Variants in SGCD observed in about 807,000 individuals in gnomAD.
SGCD encodes the protein delta-sarcoglycan.
In SGCD, 18 loss-of-function variants were observed where a neutral mutation model predicts 36.6. The ratio of observed to expected loss-of-function variants is 0.49; its 90% CI spans 0.34 to 0.73. SGCD has a LOEUF of 0.73. Ranked by LOEUF, SGCD falls within the 30% of genes least tolerant of loss-of-function variation. The pLI, the probability that SGCD is intolerant of heterozygous loss-of-function variation, is 0.01. For missense variants in SGCD, 387 were observed against 346.7 expected, an observed-to-expected ratio of 1.12 and a Z score of -0.92; for synonymous variants, 133 against 130.6, an observed-to-expected ratio of 1.02 and a Z score of -0.12.
chr5:156,152,602 C>G (rs1301530950), intron 3 of SGCD, among the ~76,000 whole-genome samples: 1 of 151,626 alleles, frequency 6.6e-6, no homozygotes, highest in African/African-American at 2.4e-5. Flanking sequence ...ATGTTGCATA[C>G]TTCACCCATT....
chr5:155,738,620 CTGAG>C, the SGCD span, among the ~76,000 whole-genome samples: 5 of 151,752 alleles, frequency 3.3e-5, no homozygotes, highest in Admixed American at 2.6e-4. Flanking sequence ...TGGCCTGCCT[CTGAG>C]AGAGAGAGTC....
chr5:156,053,424 G>C (rs532967307), intron 1 of SGCD, among the ~76,000 whole-genome samples: 1 of 146,418 alleles, frequency 6.8e-6, no homozygotes, highest in African/African-American at 2.5e-5. Context: ...AAGGTAGTGA[G>C]GGGGTGAGAG....
chr5:155,765,747 GT>G, the SGCD span, among the ~76,000 whole-genome samples: 1 of 152,104 alleles, frequency 6.6e-6, no homozygotes, highest in African/African-American at 2.4e-5. Flanking sequence ...TAAAGAGATA[GT>G]TTTTTAAGGA....
the SGCD span, among the ~76,000 whole-genome samples, chr5:155,773,744 T>C: frequency 1.3e-5 from 2 of 152,116 alleles, no homozygotes; most frequent in Non-Finnish European, 2.9e-5. Context: ...AGACAACATT[T>C]GGATCAAGGG....
intron 3 of SGCD, among the ~76,000 whole-genome samples, chr5:156,218,215 G>GCACT (rs1345599029): frequency 1.3e-5 from 2 of 152,018 alleles, no homozygotes; most frequent in Admixed American, 1.3e-4. Flanking sequence ...TGGCGCCACT[G>GCACT]CACTCCAGCC....
rs144565078 is a variant in SGCD at position 156,022,847 on chromosome 5, T to C, written c.-281-95031T>C. On this transcript the variant is annotated intron_variant, in intron 1 of 9. Transcript: ENST00000517913. ...TAATAATACTTTTCTTTCATTGTTA[T>C]ATGAGAAACTCACCCTGGAAAATAA... Among the ~76,000 whole-genome samples, 492 of 152,338 alleles carry C rather than the reference T, an allele frequency of 3.2e-3. 3 individuals carry two copies. The highest frequency in any genetic ancestry group is 0.011 in the African/African-American group (471 of 41,578).
In SGCD at chr5:156,516,807, G is replaced by A. The variant is rs143434556; in HGVS notation, c.294+8105G>A. Among the ~76,000 whole-genome samples, 1,850 of 152,218 alleles carry A rather than the reference G, an allele frequency of 0.012. 92 individuals are homozygous for A. In the East Asian group the frequency reaches 0.17, roughly 14 times the overall value. ...AGGTCAGGAGTTCGAGACCATCCTG[G>A]CCAACGTGATGAAACCCTGCCTCTA... On this transcript the variant is annotated intron_variant, in intron 4 of 8. Transcript: ENST00000337851.
chr5:156,443,830 ACAG>A (rs1400842949), intron 3 of SGCD, among the ~76,000 whole-genome samples: 8 of 152,172 alleles, frequency 5.3e-5, no homozygotes, highest in Admixed American at 1.3e-4. Context: ...GAAAGAGCAC[ACAG>A]CAGTGGGCTG....
In SGCD at chr5:156,577,594, AG is replaced by A. The variant is rs565697001; in HGVS notation, c.295-11636del. ...GTTTGCATCCTCTTTTACTTCGTTGAGCAGTGGTTTGTAGTTCTCCTTGAAG... is the reference window on the plus strand; with the variant it reads ...GTTTGCATCCTCTTTTACTTCGTTGACAGTGGTTTGTAGTTCTCCTTGAAG... On this transcript the variant is annotated intron_variant, in intron 4 of 8. Coordinates refer to ENST00000337851, the MANE Select transcript of SGCD (RefSeq NM_000337.6). Among the ~76,000 whole-genome samples, 45 of 152,224 alleles carry A rather than the reference AG, an allele frequency of 3.0e-4. No individual in the cohort carries two copies. In the South Asian group the frequency reaches 9.3e-3, roughly 32 times the overall value.
chr5:155,891,187 T>C (rs1432984260), intron 1 of SGCD, among the ~76,000 whole-genome samples: 1 of 152,200 alleles, frequency 6.6e-6, no homozygotes, highest in African/African-American at 2.4e-5. Flanking sequence ...ACAGATCCAC[T>C]TTCTGGGCCC....
intron 3 of SGCD, among the ~76,000 whole-genome samples, chr5:156,201,678 C>A (rs1158664042): frequency 6.6e-6 from 1 of 151,178 alleles, no homozygotes; most frequent in Non-Finnish European, 1.5e-5. Context: ...CGAATGAATG[C>A]CTCATGCTGC....
At chr5:156,003,213 C>T (rs1478446363) in intron 1 of SGCD, among the ~76,000 whole-genome samples, 1 of 152,212 alleles carries the variant, frequency 6.6e-6, no homozygotes. Flanking sequence ...TTTCTTTGCA[C>T]AATTAGTTGT....
chr5:155,787,402 C>T, the SGCD span, among the ~76,000 whole-genome samples: 3 of 152,088 alleles, frequency 2.0e-5, no homozygotes, highest in South Asian at 4.1e-4. Flanking sequence ...GACTATAAAT[C>T]GCATATTATT....
At chr5:155,781,200 A>G in the SGCD span, among the ~76,000 whole-genome samples, 1 of 152,184 alleles carries the variant, frequency 6.6e-6, no homozygotes, top group Non-Finnish European at 1.5e-5. Context: ...TTAGGAAATT[A>G]TCAAAAAGGA....
At chr5:155,797,756 A>G in the SGCD span, among the ~76,000 whole-genome samples, 1 of 152,178 alleles carries the variant, frequency 6.6e-6, no homozygotes, top group Non-Finnish European at 1.5e-5. Flanking sequence ...AAAATCTTTA[A>G]AACCCGTGTT....
intron 3 of SGCD, among the ~76,000 whole-genome samples, chr5:156,348,167 C>T (rs533943879): frequency 1.6e-4 from 25 of 151,938 alleles, no homozygotes; most frequent in African/African-American, 5.1e-4. Context: ...AGCACTGTTA[C>T]GTTGGAGAAA....
At position 156,750,127 on chromosome 5, in the gene SGCD, T is replaced by C. The variant is rs377181615; in HGVS notation, c.576-7454T>C. Among the ~76,000 whole-genome samples, 12 of 152,216 alleles carry C rather than the reference T, an allele frequency of 7.9e-5. No homozygotes were observed. The East Asian group carries it at 1.5e-3, about 20-fold the overall frequency. On this transcript the variant is annotated intron_variant, in intron 7 of 8. Transcript: ENST00000337851. ...TATATTATCTTAATAGATATTCCAT[T>C]ATATAAAATAGCATTTGATAAAATT... is the stretch of plus-strand genomic sequence containing the variant.
intron 3 of SGCD, among the ~76,000 whole-genome samples, chr5:156,285,886 C>T (rs2127675248): frequency 1.3e-5 from 2 of 152,184 alleles, no homozygotes; most frequent in Middle Eastern, 3.4e-3. Context: ...AGTGAACAGG[C>T]AACCTACAAA....
At chr5:156,483,720 A>T (rs1364060573) in intron 3 of SGCD, among the ~76,000 whole-genome samples, 2 of 152,144 alleles carry the variant, frequency 1.3e-5, no homozygotes, top group Non-Finnish European at 2.9e-5. Flanking sequence ...TGTTTTTATG[A>T]CCCTCAAAAT....
Sources: allele counts gnomAD v4.1 joint callset (sites outside exome capture counted in the v4.1 genomes callset), GRCh38; gene constraint gnomAD v4.1.1; transcripts MANE v1.5; gene names NCBI Gene and HGNC (gene_info 2026-07-23, HGNC 2026-07-21).